Variants in KCNH7 observed in about 807,000 individuals in gnomAD.
KCNH7 encodes the protein potassium voltage-gated channel subfamily H member 7.
A neutral mutation model predicts 120.8 loss-of-function variants in KCNH7; 49 were observed. The ratio of observed to expected loss-of-function variants is 0.41; its 90% CI spans 0.32 to 0.51. The LOEUF is 0.51. KCNH7 is among the 20% of genes least tolerant of loss of function. KCNH7 has a pLI of 0.38. For synonymous variants in KCNH7, 547 were observed against 516.1 expected (o/e 1.06, Z -0.81); for missense variants, 1,097 against 1,446.6 (o/e 0.76, Z 3.92).
intron 9 of KCNH7, among the ~76,000 whole-genome samples, chr2:162,401,260 A>T (rs1053607368): frequency 6.6e-6 from 1 of 151,920 alleles, no homozygotes; most frequent in Admixed American, 6.6e-5. Flanking sequence ...ACAATTCTCA[A>T]TATACAATGA....
intron 2 of KCNH7, among the ~76,000 whole-genome samples, chr2:162,802,396 C>G (rs1307866582): frequency 1.3e-5 from 2 of 151,648 alleles, no homozygotes; most frequent in African/African-American, 2.4e-5. Flanking sequence ...TCTTTAAGAG[C>G]AGACGACTTT....
At chr2:162,796,034 A>C (rs1684134491) in intron 2 of KCNH7, 1 of 152,124 alleles carries the variant, frequency 6.6e-6, no homozygotes, top group South Asian at 2.1e-4. Context: ...TGAGCAGGAA[A>C]GTTGAAATTC....
intron 6 of KCNH7, among the ~76,000 whole-genome samples, chr2:162,479,148 G>GA (rs1309875796): frequency 4.9e-4 from 58 of 118,778 alleles, no homozygotes; most frequent in East Asian, 2.6e-3. Flanking sequence ...AATGAGAATG[G>GA]AAAAAAAAAA....
intron 2 of KCNH7, among the ~76,000 whole-genome samples, chr2:162,583,408 C>T (rs1227020703): frequency 1.3e-5 from 2 of 151,974 alleles, no homozygotes; most frequent in African/African-American, 4.8e-5. Context: ...ACATTTTCTC[C>T]AGGGTTATTT....
At chr2:162,576,084 T>G (rs1023083511) in intron 2 of KCNH7, among the ~76,000 whole-genome samples, 1 of 152,068 alleles carries the variant, frequency 6.6e-6, no homozygotes, top group Non-Finnish European at 1.5e-5. Context: ...ATTTTTTTAA[T>G]AGCAACATCT....
Position 162,836,562 on chromosome 2 carries a change from C to T in KCNH7, c.282G>A (p.Val94=), listed in dbSNP as rs960056505. 1 of 1,613,962 alleles carries T rather than the reference C, an allele frequency of 6.2e-7. No homozygotes were observed. The highest frequency in any genetic ancestry group is 1.7e-5 in the Admixed American group (1 of 60,010). The change falls in exon 2 of 16, where the codon GTG becomes GTA. Residue 94 remains valine, a synonymous_variant. Coordinates refer to ENST00000332142, the MANE Select transcript of KCNH7 (RefSeq NM_033272.4). The part of the protein sequence containing the change: ...QALLGSEERK[V]EVTYYHKNGS... ...CATTTTTGTGATAGTAGGTGACCTC[C>T]ACTTTCCTCTCTTCTGACCCCAGCA...
At chr2:162,675,152 G>A (rs1375560465) in intron 2 of KCNH7, among the ~76,000 whole-genome samples, 2 of 151,150 alleles carry the variant, frequency 1.3e-5, no homozygotes, top group Non-Finnish European at 3.0e-5. Context: ...TTCTACTGAT[G>A]GATGGAAAAA....
chr2:162,735,602 G>A (rs1186675123), intron 2 of KCNH7, among the ~76,000 whole-genome samples: 1 of 152,088 alleles, frequency 6.6e-6, no homozygotes, highest in Non-Finnish European at 1.5e-5. Context: ...CCTGGGAAGT[G>A]GCTCAAACTG....
chr2:162,498,174 C>G (rs1167235181), intron 6 of KCNH7, among the ~76,000 whole-genome samples: 1 of 151,984 alleles, frequency 6.6e-6, no homozygotes, highest in African/African-American at 2.4e-5. Flanking sequence ...CTGATTATCT[C>G]AAAATGGGTT....
At chr2:162,532,264 G>A (rs897531850) in intron 3 of KCNH7, among the ~76,000 whole-genome samples, 1 of 151,926 alleles carries the variant, frequency 6.6e-6, no homozygotes, top group African/African-American at 2.4e-5. Context: ...GAGTACAGAA[G>A]TCTCCCTGGA....
chr2:162,389,135 T>C (rs1466984225), intron 12 of KCNH7, among the ~76,000 whole-genome samples: 1 of 151,902 alleles, frequency 6.6e-6, no homozygotes, highest in East Asian at 1.9e-4. Flanking sequence ...GCTTTTTTTG[T>C]TTTGTTTGTC....
At chr2:162,535,264 A>G (rs1692068161) in intron 3 of KCNH7, among the ~76,000 whole-genome samples, 1 of 151,778 alleles carries the variant, frequency 6.6e-6, no homozygotes, top group Admixed American at 6.6e-5. Context: ...AAACTATGAG[A>G]TGTACAAGAT....
At position 162,572,135 on chromosome 2, in the gene KCNH7, G is replaced by A. The variant is rs971217018; in HGVS notation, c.308-35055C>T. 4.4e-3 allele frequency among the ~76,000 whole-genome samples: 663 copies of A among 152,050 alleles called. 3 individuals carry two copies. The highest frequency in any genetic ancestry group is 0.014 in the Middle Eastern group (4 of 294). On this transcript the variant is annotated intron_variant, in intron 2 of 15. Transcript: ENST00000332142. ...ACCTACAAAATGGGAGAAAATTTTC[G>A]CAACCTACTCATCTGACAAAGGGCT...
chr2:162,437,519 C>T (rs1277396450), intron 7 of KCNH7, among the ~76,000 whole-genome samples: 1 of 152,014 alleles, frequency 6.6e-6, no homozygotes, highest in African/African-American at 2.4e-5. Flanking sequence ...TTTAGCTTAG[C>T]AGTTATGTGC....
chr2:162,510,235 T>C (rs1691024643), intron 5 of KCNH7, among the ~76,000 whole-genome samples: 3 of 151,460 alleles, frequency 2.0e-5, no homozygotes, highest in African/African-American at 7.3e-5. Context: ...GCTAAGAAAA[T>C]TTATTAAAGG....
chr2:162,623,647 T>C (rs1023792236), intron 2 of KCNH7, among the ~76,000 whole-genome samples: 3 of 152,196 alleles, frequency 2.0e-5, no homozygotes, highest in African/African-American at 7.2e-5. Context: ...ATGAATTATG[T>C]CACCTTGTAC....
At chr2:162,441,275 T>C (rs1034282463) in intron 7 of KCNH7, among the ~76,000 whole-genome samples, 4 of 152,172 alleles carry the variant, frequency 2.6e-5, no homozygotes, top group Non-Finnish European at 4.4e-5. Context: ...ACTAATGATA[T>C]CTATTATAAA....
chr2:162,547,256 C>G (rs1692512013), intron 2 of KCNH7, among the ~76,000 whole-genome samples: 2 of 152,164 alleles, frequency 1.3e-5, no homozygotes, highest in Admixed American at 1.3e-4. Context: ...CACCAGGTCT[C>G]TCTCTGGGAT....
chr2:162,611,541 G>T (rs1357114517), intron 2 of KCNH7, among the ~76,000 whole-genome samples: 1 of 152,204 alleles, frequency 6.6e-6, no homozygotes, highest in Non-Finnish European at 1.5e-5. Context: ...ACATTACTTA[G>T]AGGGATTAAT....
Sources: gnomAD v4.1 joint callset for allele counts (sites outside exome capture counted in the v4.1 genomes callset) on GRCh38, gnomAD v4.1.1 for gene constraint, MANE v1.5 for transcripts, NCBI Gene and HGNC (gene_info 2026-07-23, HGNC 2026-07-21) for gene names.